The following SGCZ variants were observed in gnomAD, a reference collection of about 807,000 sequenced individuals.
SGCZ encodes zeta-sarcoglycan.
SGCZ carries 40 observed loss-of-function variants against 41.3 expected under a neutral mutation model. That is an observed-to-expected ratio of 0.97 (90% CI 0.75 to 1.26). The LOEUF (loss-of-function observed/expected upper bound fraction) is 1.26, where lower values mean the gene tolerates loss of function less well. SGCZ is among the 50% of genes most tolerant of loss of function. The pLI, the probability that SGCZ is intolerant of heterozygous loss-of-function variation, is 0.00. For missense variants in SGCZ, 552 were observed against 369.8 expected (o/e 1.49, Z -4.04); for synonymous variants, 206 against 137.5 (o/e 1.50, Z -3.49).
rs905400406 is a variant in SGCZ, at chr8:14,130,810, A to G, written c.548-22575T>C. The stretch of plus-strand genomic sequence containing the variant: ...CTGGAAGGCAGGTATGTTTTTTCAT[A>G]GAGGCTCTAGCTTCCCTTTTCTTTG... On this transcript the variant is annotated intron_variant, in intron 5 of 7. Coordinates refer to ENST00000382080, the MANE Select transcript of SGCZ (RefSeq NM_139167.4). Among the ~76,000 whole-genome samples, 4 of 152,326 alleles carry G rather than the reference A, an allele frequency of 2.6e-5. 1 individual carries two copies. The highest frequency in any genetic ancestry group is 2.6e-4 in the Admixed American group (4 of 15,306).
At chr8:15,023,881 G>C (rs1585484143) in intron 1 of SGCZ, among the ~76,000 whole-genome samples, 1 of 152,070 alleles carries the variant, frequency 6.6e-6, no homozygotes, top group Admixed American at 6.6e-5. Context: ...TGTTTATTCT[G>C]GTTACTTCTC....
chr8:14,119,416 C>T (rs1419079146), intron 5 of SGCZ, among the ~76,000 whole-genome samples: 2 of 152,088 alleles, frequency 1.3e-5, no homozygotes, highest in African/African-American at 4.8e-5. Context: ...GATTTTGTAT[C>T]CTGAGAGTTT....
intron 1 of SGCZ, among the ~76,000 whole-genome samples, chr8:15,121,493 A>G (rs1250021438): frequency 6.6e-6 from 1 of 152,220 alleles, no homozygotes; most frequent in African/African-American, 2.4e-5. Flanking sequence ...ATGAGGCAAC[A>G]GTGCTAGGCA....
At chr8:14,298,385 A>G (rs1393754299) in intron 3 of SGCZ, among the ~76,000 whole-genome samples, 1 of 152,004 alleles carries the variant, frequency 6.6e-6, no homozygotes, top group Non-Finnish European at 1.5e-5. Context: ...AATACATAAT[A>G]CTAAGATTGA....
intron 2 of SGCZ, among the ~76,000 whole-genome samples, chr8:14,516,651 C>A (rs1215288710): frequency 6.6e-6 from 1 of 152,024 alleles, no homozygotes; most frequent in Non-Finnish European, 1.5e-5. Flanking sequence ...TCCTAAAAAG[C>A]ATCCCATAAA....
chr8:14,713,795 C>T (rs10106269), intron 1 of SGCZ, among the ~76,000 whole-genome samples: 27,083 of 151,626 alleles, frequency 0.18, 2,872 homozygotes, highest in East Asian at 0.31. Context: ...GTTATTGTCA[C>T]TAAGATTTTA....
chr8:14,881,549 C>T (rs1804590125), intron 1 of SGCZ, among the ~76,000 whole-genome samples: 1 of 152,130 alleles, frequency 6.6e-6, no homozygotes, highest in South Asian at 2.1e-4. Context: ...TCAAGAGAAG[C>T]TCTGGAGTGA....
At chr8:14,257,222 G>C (rs1469533512) in intron 3 of SGCZ, among the ~76,000 whole-genome samples, 1 of 151,972 alleles carries the variant, frequency 6.6e-6, no homozygotes, top group Non-Finnish European at 1.5e-5. Context: ...ACCTACTTGG[G>C]AGGCTGAGAT....
intron 2 of SGCZ, among the ~76,000 whole-genome samples, chr8:14,420,930 C>T (rs1799621079): frequency 6.6e-6 from 1 of 152,034 alleles, no homozygotes; most frequent in Admixed American, 6.6e-5. Flanking sequence ...GTAGATGTTC[C>T]TGATAATTTT....
chr8:14,612,674 T>TTTTTG (rs539315427), intron 1 of SGCZ, among the ~76,000 whole-genome samples: 94 of 152,050 alleles, frequency 6.2e-4, no homozygotes, highest in South Asian at 5.2e-3. Context: ...TTTTTTTGTT[T>TTTTTG]TTTTGTTTTG....
chr8:14,930,158 C>T (rs568761620), intron 1 of SGCZ, among the ~76,000 whole-genome samples: 15 of 151,724 alleles, frequency 9.9e-5, no homozygotes, highest in Non-Finnish European at 2.2e-4. Context: ...ACAAACAACC[C>T]CATCAAAAAG....
chr8:14,325,210 A>T (rs968890501), intron 2 of SGCZ, among the ~76,000 whole-genome samples: 1 of 152,136 alleles, frequency 6.6e-6, no homozygotes. Flanking sequence ...TAACTGATAC[A>T]GTATTACTAA....
chr8:14,489,609 T>G (rs1016399744), intron 2 of SGCZ, among the ~76,000 whole-genome samples: 2 of 151,950 alleles, frequency 1.3e-5, no homozygotes, highest in East Asian at 3.9e-4. Context: ...TAAAAAATAA[T>G]GATGTTGTGA....
chr8:14,165,872 G>A (rs568418146), intron 4 of SGCZ, among the ~76,000 whole-genome samples: 66 of 152,056 alleles, frequency 4.3e-4, no homozygotes, highest in Non-Finnish European at 8.2e-4. Context: ...ATAGATGAAT[G>A]AATACTTAAG....
At chr8:14,631,214 C>G (rs1389792200) in intron 1 of SGCZ, among the ~76,000 whole-genome samples, 1 of 151,800 alleles carries the variant, frequency 6.6e-6, no homozygotes, top group Non-Finnish European at 1.5e-5. Context: ...GGAGTCTGAA[C>G]CGATCAAACA....
chr8:14,737,789 T>C (rs942370855), intron 1 of SGCZ, among the ~76,000 whole-genome samples: 4 of 152,102 alleles, frequency 2.6e-5, no homozygotes, highest in African/African-American at 9.7e-5. Flanking sequence ...AATCATCTCT[T>C]TATAGAAACT....
At chr8:15,158,524 G>C (rs1340711822) in intron 1 of SGCZ, among the ~76,000 whole-genome samples, 2 of 152,084 alleles carry the variant, frequency 1.3e-5, no homozygotes, top group African/African-American at 4.8e-5. Flanking sequence ...TGAGTAGTAA[G>C]AAGAAAAAAT....
chr8:15,224,934 T>G (rs1181029610), intron 1 of SGCZ, among the ~76,000 whole-genome samples: 1 of 152,154 alleles, frequency 6.6e-6, no homozygotes, highest in Non-Finnish European at 1.5e-5. Context: ...TCTTATAACA[T>G]AGTCTCAAAT....
At chr8:14,406,719 C>CA (rs375680241) in intron 2 of SGCZ, among the ~76,000 whole-genome samples, 3 of 127,212 alleles carry the variant, frequency 2.4e-5, no homozygotes, top group African/African-American at 3.6e-5. Context: ...CCCCTTTCTA[C>CA]GCAACAACAT....
Sources: allele counts gnomAD v4.1 joint callset (sites outside exome capture counted in the v4.1 genomes callset), GRCh38; gene constraint gnomAD v4.1.1; transcripts MANE v1.5; gene names NCBI Gene and HGNC (gene_info 2026-07-23, HGNC 2026-07-21).